The following ADGRB1 variants were observed in gnomAD, a reference collection of about 807,000 sequenced individuals.
ADGRB1 encodes brain-specific angiogenesis inhibitor 1.
Under a neutral mutation model 175.7 loss-of-function variants are expected in ADGRB1, and 36 were observed. The ratio of observed to expected loss-of-function variants is 0.20; its 90% CI spans 0.16 to 0.27. ADGRB1 has a LOEUF of 0.27. Among genes scored for constraint, ADGRB1 ranks in the 10% least tolerant of loss-of-function variants. The pLI is 1.00. For missense variants in ADGRB1, 1,731 were observed against 2,255.3 expected (o/e 0.77, Z 4.71); for synonymous variants, 1,054 against 979.4 (o/e 1.08, Z -1.42).
Position 142,524,318 on chromosome 8 carries a change from C to T in ADGRB1, c.3312+14C>T. ...GCCGTTGTGCTGGTACTGACCCGCC[C>T]AGGCCCCACTCCCCACGACCCCACC... is the stretch of plus-strand genomic sequence containing the variant. On this transcript the variant is annotated intron_variant, in intron 23 of 30. Transcript: ENST00000517894. 1.3e-6 allele frequency: 2 copies of T among 1,583,326 alleles called. No homozygotes were observed. The highest frequency in any genetic ancestry group is 1.1e-5 in the South Asian group (1 of 87,542).
chr8:142,498,068 C>T (rs750371553), intron 17 of ADGRB1, among the ~76,000 whole-genome samples: 4 of 152,210 alleles, frequency 2.6e-5, no homozygotes, highest in Non-Finnish European at 4.4e-5. Flanking sequence ...CCCCACAGGG[C>T]CTGCTTGGGA....
intron 1 of ADGRB1, among the ~76,000 whole-genome samples, chr8:142,456,604 C>T (rs776956597): frequency 5.9e-5 from 9 of 152,264 alleles, no homozygotes; most frequent in Non-Finnish European, 7.3e-5. Flanking sequence ...GCAGCACACA[C>T]GGCCACAGAT....
chr8:142,538,256 G>C (rs902560893), intron 26 of ADGRB1, among the ~76,000 whole-genome samples: 1 of 152,230 alleles, frequency 6.6e-6, no homozygotes, highest in African/African-American at 2.4e-5. Context: ...CTGGGTCCCG[G>C]GGTGCCCAGC....
At chr8:142,473,340 G>A (rs962373779) in intron 2 of ADGRB1, among the ~76,000 whole-genome samples, 5 of 152,186 alleles carry the variant, frequency 3.3e-5, no homozygotes, top group African/African-American at 7.2e-5. Flanking sequence ...CCTCAGAATC[G>A]GGGTGGTGGG....
At chr8:142,494,609 C>G (rs755843916) in intron 17 of ADGRB1, among the ~76,000 whole-genome samples, 3 of 151,958 alleles carry the variant, frequency 2.0e-5, no homozygotes, top group Non-Finnish European at 4.4e-5. Flanking sequence ...CACACTTGCA[C>G]CCATGGGCTC....
intron 18 of ADGRB1, among the ~76,000 whole-genome samples, chr8:142,513,040 C>T (rs1563728111): frequency 6.6e-6 from 1 of 150,458 alleles, no homozygotes; most frequent in Non-Finnish European, 1.5e-5. Context: ...TGGCTGCTGT[C>T]GGGGGGCGCT....
Position 142,489,191 on chromosome 8 carries a change from G to A in ADGRB1, c.2528+81G>A. On this transcript the variant is annotated intron_variant, in intron 15 of 30. Coordinates refer to ENST00000517894, the MANE Select transcript of ADGRB1 (RefSeq NM_001702.3). ...ACCCCAGCCACAGGATGTGAAGGGG[G>A]AGGCCAGGGGGCCTGGAGGAGTGTG... 21 of 1,547,870 alleles carry A rather than the reference G, an allele frequency of 1.4e-5. No homozygotes were observed. In the South Asian group the frequency reaches 2.3e-4, roughly 17 times the overall value.
Position 142,510,916 on chromosome 8 carries a change from T to TG in ADGRB1, c.2676-16_2676-15insG. 1.2e-3 allele frequency: 1,193 copies of TG among 965,496 alleles called. No homozygotes were observed. The highest frequency in any genetic ancestry group is 1.4e-3 in the Non-Finnish European group (1,072 of 785,470). The allele number at this position is 965,496 out of a possible 1,614,324, so 59.8% of individuals were successfully genotyped here. A position where few individuals can be genotyped will look rare whatever the true frequency, so the allele number is the denominator to read the frequency against. Reference sequence around the variant, plus strand: ...ACGCTCCGCCTGTCTCCCTCCCGTGTCCCGCCCGCCCCCAGACCCTCCTCC... The same window carrying TG: ...ACGCTCCGCCTGTCTCCCTCCCGTGTGCCCGCCCGCCCCCAGACCCTCCTCC... On this transcript the variant is annotated splice_polypyrimidine_tract_variant and intron_variant, in intron 17 of 30. Transcript: ENST00000517894. This position sits in a 1 kb window ranked among gnomAD's most constrained non-coding sequence, Gnocchi z 6.3.
In ADGRB1 at chr8:142,511,149, G is replaced by C; in HGVS notation, c.2817+76G>C. ...GGGGGCTGCCGGCGGGCCTGCGGGT[G>C]GGGAGGGCCCGCACCCGTCCTGTCC... On this transcript the variant is annotated intron_variant, in intron 18 of 30. Coordinates refer to ENST00000517894, the MANE Select transcript of ADGRB1 (RefSeq NM_001702.3). The surrounding 1 kb of genome is among the most constrained non-coding windows in gnomAD (Gnocchi z 4.5). The C allele has an allele frequency of 1.0e-6, 1 of 1,003,714 alleles. No homozygotes were observed. Among genetic ancestry groups the C allele is most frequent in the Non-Finnish European group, 1.2e-6 (1 of 834,766 alleles). The allele number at this position is 1,003,714 out of a possible 1,614,324, so 62.2% of individuals were successfully genotyped here. A position where few individuals can be genotyped will look rare whatever the true frequency, so the allele number is the denominator to read the frequency against.
At chr8:142,457,229 C>A (rs369284957) in intron 1 of ADGRB1, among the ~76,000 whole-genome samples, 15 of 152,282 alleles carry the variant, frequency 9.9e-5, no homozygotes, top group Middle Eastern at 3.4e-3. Context: ...CACTAGGAGC[C>A]GGTCGGTCCC....
At chr8:142,456,359 A>C (rs1839683172) in intron 1 of ADGRB1, among the ~76,000 whole-genome samples, 1 of 152,038 alleles carries the variant, frequency 6.6e-6, no homozygotes, top group Non-Finnish European at 1.5e-5. Flanking sequence ...ATGTGCACAC[A>C]GCCCTTGAAC....
chr8:142,503,890 C>T (rs1842740055), intron 17 of ADGRB1, among the ~76,000 whole-genome samples: 1 of 152,168 alleles, frequency 6.6e-6, no homozygotes, highest in Non-Finnish European at 1.5e-5. Context: ...AGGAGATTGG[C>T]ATCTTGCATC....
Position 142,505,813 on chromosome 8 carries a change from G to A in ADGRB1, c.2676-5119G>A, listed in dbSNP as rs1842820461. Among the ~76,000 whole-genome samples the A allele has an allele frequency of 1.3e-5, 2 of 152,194 alleles. 1 individual carries two copies. The highest frequency in any genetic ancestry group is 4.1e-4 in the South Asian group (2 of 4,836). ...AAGGGGCGGCGGCCACAGTAGCCAG[G>A]GGCACGGGTGGTGGCTGTGGAGGGT... On this transcript the variant is annotated intron_variant, in intron 17 of 30. Transcript: ENST00000517894.
At chr8:142,465,367 G>A (rs867520336) in intron 2 of ADGRB1, among the ~76,000 whole-genome samples, 1 of 152,188 alleles carries the variant, frequency 6.6e-6, no homozygotes. Context: ...CTTTCTCTCC[G>A]GCAGGACAAC....
chr8:142,464,869 C>T lies in ADGRB1; in HGVS notation c.671C>T (p.Ala224Val). 1.3e-6 allele frequency: 2 copies of T among 1,520,572 alleles called. No individual in the cohort carries two copies. Among genetic ancestry groups the T allele is most frequent in the Non-Finnish European group, 8.8e-7 (1 of 1,140,006 alleles). The allele number at this position is 1,520,572 out of a possible 1,614,324, so 94.2% of individuals were successfully genotyped here. A position where few individuals can be genotyped will look rare whatever the true frequency, so the allele number is the denominator to read the frequency against. Residue 224 changes from alanine to valine, a missense_variant, in exon 2 of 31, where the codon GCC becomes GTC. Ala to Val is a moderately conservative substitution (Grantham distance 64, BLOSUM62 0). Transcript: ENST00000517894. The part of the protein sequence containing the change: ...ACLGGEAGGP[A>V]AGPLAPRGDV... ...CTGGGCGGCGAGGCGGGCGGCCCTG[C>T]CGCGGGACCCCTGGCCCCCCGCGGG...
At position 142,528,950 on chromosome 8, in the gene ADGRB1, C is replaced by A. The variant is rs2132186892; in HGVS notation, c.3398+2323C>A. On this transcript the variant is annotated intron_variant, in intron 24 of 30. Transcript: ENST00000517894. ...GGGAAGGAGCGGTGGTCAGTCCTGT[C>A]CCTCTGGGGCCCGAGTGTGTGCCAG... 3.3e-5 allele frequency among the ~76,000 whole-genome samples: 5 copies of A among 152,272 alleles called. 1 individual carries two copies. In the South Asian group the frequency reaches 1.0e-3, roughly 32 times the overall value.
intron 2 of ADGRB1, among the ~76,000 whole-genome samples, chr8:142,467,344 G>A (rs1840340308): frequency 6.6e-6 from 1 of 152,230 alleles, no homozygotes; most frequent in African/African-American, 2.4e-5. Context: ...CATTCAGGAG[G>A]GGACTGCCAC....
chr8:142,527,430 C>T (rs1195851622), intron 24 of ADGRB1, among the ~76,000 whole-genome samples: 1 of 152,172 alleles, frequency 6.6e-6, no homozygotes, highest in Non-Finnish European at 1.5e-5. Context: ...CCTGGCTCCT[C>T]CTGCTGTCCC....
intron 1 of ADGRB1, among the ~76,000 whole-genome samples, chr8:142,461,259 G>T (rs931448026): frequency 7.9e-5 from 12 of 152,202 alleles, no homozygotes; most frequent in African/African-American, 2.9e-4. Flanking sequence ...GCCCCTCTGT[G>T]GACCTCAGCA....
Sources: gnomAD v4.1 joint callset for allele counts (sites outside exome capture counted in the v4.1 genomes callset) on GRCh38, gnomAD v4.1.1 for gene constraint, Gnocchi (gnomAD v3.1) non-coding constraint, MANE v1.5 for transcripts, NCBI Gene and HGNC (gene_info 2026-07-23, HGNC 2026-07-21) for gene names.